The following ZDHHC6 variants were observed in gnomAD, a reference collection of about 807,000 sequenced individuals.
ZDHHC6 encodes palmitoyltransferase ZDHHC6.
Under a neutral mutation model 57.8 loss-of-function variants are expected in ZDHHC6, and 32 were observed. The ratio of observed to expected loss-of-function variants is 0.55; its 90% CI spans 0.42 to 0.74. ZDHHC6 has a LOEUF of 0.74. Ranked by LOEUF, ZDHHC6 falls within the 30% of genes least tolerant of loss-of-function variation. The probability of loss-of-function intolerance (pLI) is 0.00; values close to 1 mark genes in which losing one functional copy is unlikely to be tolerated. For synonymous variants in ZDHHC6, 128 were observed against 158.0 expected, an observed-to-expected ratio of 0.81 and a Z score of 1.42; for missense variants, 433 against 500.7, an observed-to-expected ratio of 0.86 and a Z score of 1.29.
rs759534083 is a variant in ZDHHC6 at position 112,442,303 on chromosome 10, A to C, written c.408T>G (p.Cys136Trp). The stretch of plus-strand genomic sequence containing the variant: ...TGAACGAAGCATGATTTTGGTAACC[A>C]CAACAGTTGTTGATCCAAGGACAGT... Reference protein sequence around the residue: ...DHHCPWINNCCGYQNHASFTL... With the variant: ...DHHCPWINNCWGYQNHASFTL... Residue 136 changes from cysteine (C) to tryptophan (W), a missense_variant, in exon 4 of 11, where the codon TGT (cysteine) becomes TGG (tryptophan). By Grantham distance (215) the Cys-to-Trp change is radical. Transcript: ENST00000369405. 1.1e-5 allele frequency: 18 copies of C among 1,614,056 alleles called. No homozygotes were observed. Among genetic ancestry groups the C allele is most frequent in the Non-Finnish European group, 1.5e-5 (18 of 1,179,964 alleles).
At chr10:112,437,876 G>T (rs1845694933) in intron 6 of ZDHHC6, among the ~76,000 whole-genome samples, 1 of 152,200 alleles carries the variant, frequency 6.6e-6, no homozygotes, top group African/African-American at 2.4e-5. Flanking sequence ...AGTCAGATTT[G>T]TGTTTCATGC....
chr10:112,424,505 A>G (rs1395413553), exon 12 of ZDHHC6: 1 of 152,262 alleles, frequency 6.6e-6, no homozygotes, highest in Non-Finnish European at 1.5e-5. Flanking sequence ...ACAGAATTAA[A>G]TAACACTCTA....
Position 112,430,752 on chromosome 10 carries a change from C to T in ZDHHC6, c.*52G>A, listed in dbSNP as rs1844941803. ...TTGCATAATTCTTTAGTAATATGTA[C>T]AATTTTCAAGTAATTAAGCAGACTT... On this transcript the variant is annotated 3_prime_UTR_variant, in exon 11 of 11. Transcript: ENST00000369405. 2.6e-5 allele frequency: 39 copies of T among 1,515,184 alleles called. No homozygotes were observed. The South Asian group carries it at 4.3e-4, about 17-fold the overall frequency. The allele number at this position is 1,515,184 out of a possible 1,614,324, so 93.9% of individuals were successfully genotyped here. A position where few individuals can be genotyped will look rare whatever the true frequency, so the allele number is the denominator to read the frequency against.
rs1845138571 is a variant in ZDHHC6, at chr10:112,432,495, A to G, written c.972T>C (p.Tyr324=). ...TATTCAGAGGGCAGCAGGCACCACTATAATCTTCTATTACTTTATAGCGAA... is the reference window on the plus strand; with the variant it reads ...TATTCAGAGGGCAGCAGGCACCACTGTAATCTTCTATTACTTTATAGCGAA... The part of the protein sequence containing the change: ...RSVRYKVIED[Y]SGACCPLNKG... The change falls in exon 9 of 11, where the codon TAT becomes TAC. Residue 324 remains tyrosine (Y), a synonymous_variant. Coordinates refer to ENST00000369405, the MANE Select transcript of ZDHHC6 (RefSeq NM_022494.3). 1 of 1,614,116 alleles carries G rather than the reference A, an allele frequency of 6.2e-7. No homozygotes were observed.
downstream of ZDHHC6, among the ~76,000 whole-genome samples, chr10:112,428,928 G>A (rs564900393): frequency 4.6e-5 from 7 of 152,152 alleles, no homozygotes; most frequent in South Asian, 1.4e-3. Flanking sequence ...AGAAAAGTAA[G>A]TTCTGAAGAC....
intron 2 of ZDHHC6, among the ~76,000 whole-genome samples, chr10:112,444,260 A>G (rs1846427420): frequency 6.6e-6 from 1 of 152,072 alleles, no homozygotes; most frequent in African/African-American, 2.4e-5. Context: ...ACTGTTTCTG[A>G]ATACGTGGTC....
chr10:112,440,810 A>C (rs1846040340), intron 4 of ZDHHC6, 115 bp from the exon 5 acceptor site: 1 of 800,000 alleles, frequency 1.3e-6, no homozygotes, highest in Non-Finnish European at 1.8e-6. Context: ...CCCTGTGGCC[A>C]ACGCAAACAC....
At chr10:112,427,233 C>G (rs1844765017), downstream of ZDHHC6, 3 of 1,611,400 alleles carry the variant, frequency 1.9e-6, no homozygotes, top group Non-Finnish European at 1.7e-6. Context: ...AGCCATTTTT[C>G]TTCATCCAGA....
At chr10:112,436,166 G>C (rs1277351003) in intron 6 of ZDHHC6, among the ~76,000 whole-genome samples, 1 of 152,142 alleles carries the variant, frequency 6.6e-6, no homozygotes, top group African/African-American at 2.4e-5. Flanking sequence ...TAGGAAATTA[G>C]GCTGGAGAAG....
chr10:112,433,501 C>G (rs1845232757), intron 7 of ZDHHC6: 2 of 415,384 alleles, frequency 4.8e-6, no homozygotes, highest in Non-Finnish European at 8.6e-6. Flanking sequence ...GCTATTCACT[C>G]TCTAATGTCC....
chr10:112,436,322 A>C (rs1017432484), intron 6 of ZDHHC6, among the ~76,000 whole-genome samples: 1 of 152,212 alleles, frequency 6.6e-6, no homozygotes, highest in African/African-American at 2.4e-5. Flanking sequence ...TAAAAATACA[A>C]AACTTAGCTG....
chr10:112,433,851 G>A (rs573002232), intron 7 of ZDHHC6, among the ~76,000 whole-genome samples: 11 of 152,286 alleles, frequency 7.2e-5, no homozygotes, highest in African/African-American at 2.6e-4. Context: ...AGCTACCATA[G>A]AGTAGTATGT....
chr10:112,424,613 T>C (rs1182406448), exon 12 of ZDHHC6: 7 of 152,346 alleles, frequency 4.6e-5, no homozygotes, highest in East Asian at 1.9e-4. Context: ...TTAGGCTGAA[T>C]TGATGGCTAA....
At chr10:112,426,526 TTC>T, downstream of ZDHHC6, 1 of 634,158 alleles carries the variant, frequency 1.6e-6, no homozygotes, top group East Asian at 2.7e-5. Context: ...AAACTCTCTT[TTC>T]TATTTAAAAT....
At chr10:112,426,114 T>C (rs903796314), downstream of ZDHHC6, 10 of 607,496 alleles carry the variant, frequency 1.6e-5, no homozygotes, top group Middle Eastern at 2.7e-4. Context: ...TGAAAATATA[T>C]GGTGAGAAAA....
At chr10:112,436,585 T>TG (rs1257898474) in intron 6 of ZDHHC6, among the ~76,000 whole-genome samples, 16 of 152,254 alleles carry the variant, frequency 1.1e-4, no homozygotes, top group African/African-American at 2.4e-4. Flanking sequence ...TAGATCACTT[T>TG]GAGTATTCAG....
intron 5 of ZDHHC6, among the ~76,000 whole-genome samples, chr10:112,439,328 A>G (rs962378394): frequency 6.6e-6 from 1 of 152,130 alleles, no homozygotes; most frequent in Admixed American, 6.5e-5. Context: ...CGTGAATGCA[A>G]TAAGTCATAA....
chr10:112,434,514 T>C lies in ZDHHC6; in HGVS notation c.736-50A>G, dbSNP rs745311652. ...GGCAGGTGCCTCTGTCTAAGTGGCCTGCAGTAATATGTTATTGAGAACACT... is the reference window on the plus strand; with the variant it reads ...GGCAGGTGCCTCTGTCTAAGTGGCCCGCAGTAATATGTTATTGAGAACACT... On this transcript the variant is annotated intron_variant, in intron 6 of 10. Coordinates refer to ENST00000369405, the MANE Select transcript of ZDHHC6 (RefSeq NM_022494.3). 2.6e-6 allele frequency: 4 copies of C among 1,536,302 alleles called. 1 individual carries two copies. In the South Asian group the frequency reaches 4.9e-5, roughly 19 times the overall value.
intron 6 of ZDHHC6, 94 bp downstream of exon 6, chr10:112,438,242 C>T (rs935247110): frequency 1.3e-4 from 123 of 912,886 alleles, no homozygotes; most frequent in Non-Finnish European, 1.7e-4. Context: ...TTCGTTAATC[C>T]GGTCTAATAA....
Sources: allele counts gnomAD v4.1 joint callset (sites outside exome capture counted in the v4.1 genomes callset), GRCh38; gene constraint gnomAD v4.1.1; transcripts MANE v1.5; gene names NCBI Gene and HGNC (gene_info 2026-07-23, HGNC 2026-07-21).